Variants in ITGB6 observed in about 807,000 individuals in gnomAD.
ITGB6 encodes integrin beta-6.
In ITGB6, 80 loss-of-function variants were observed where a neutral mutation model predicts 84.5. That is an observed-to-expected ratio of 0.95 (90% confidence interval 0.79 to 1.14). The LOEUF is 1.14. Among genes scored for constraint, ITGB6 ranks in the 50% most tolerant of loss-of-function variants. The pLI is 0.00. For synonymous variants in ITGB6, 383 were observed against 354.9 expected, an observed-to-expected ratio of 1.08 and a Z score of -0.89; for missense variants, 1,006 against 968.0, an observed-to-expected ratio of 1.04 and a Z score of -0.52.
chr2:160,184,529 C>T (rs1685815770), intron 4 of ITGB6, among the ~76,000 whole-genome samples: 1 of 152,176 alleles, frequency 6.6e-6, no homozygotes, highest in Non-Finnish European at 1.5e-5. Context: ...GATGGATTCA[C>T]AGCCAAATTC....
At chr2:160,114,064 T>G (rs1032244013) in intron 12 of ITGB6, among the ~76,000 whole-genome samples, 2 of 152,110 alleles carry the variant, frequency 1.3e-5, no homozygotes, top group Non-Finnish European at 2.9e-5. Context: ...ATTAACCATG[T>G]TTTTAAAAAT....
intron 12 of ITGB6, among the ~76,000 whole-genome samples, chr2:160,122,044 A>G (rs1267914053): frequency 1.3e-5 from 2 of 152,102 alleles, no homozygotes; most frequent in African/African-American, 4.8e-5. Flanking sequence ...CTTGAAATAA[A>G]GCTTATAAAA....
chr2:160,127,464 T>A (rs1395495494), intron 10 of ITGB6, among the ~76,000 whole-genome samples: 1 of 152,192 alleles, frequency 6.6e-6, no homozygotes, highest in East Asian at 1.9e-4. Context: ...GTCCTGCCCA[T>A]CCCCTTTGAG....
intron 10 of ITGB6, among the ~76,000 whole-genome samples, chr2:160,135,061 C>T (rs993003217): frequency 6.6e-5 from 10 of 152,080 alleles, no homozygotes; most frequent in African/African-American, 1.9e-4. Context: ...TCAGGGCAAT[C>T]AGGCAGGAGA....
chr2:160,102,584 A>T (rs963889766), intron 14 of ITGB6, among the ~76,000 whole-genome samples: 26 of 152,178 alleles, frequency 1.7e-4, no homozygotes, highest in African/African-American at 4.8e-4. Flanking sequence ...GGCAGTGGGA[A>T]GGTTGGGTGT....
In ITGB6 at chr2:160,120,756, T is replaced by C. The variant is rs796634455; in HGVS notation, c.1981+3035A>G. ...GTAAAAAATGAAGAGTTCATGTCCTTTGTAGGGACATGGATGAAACTGGAA... is the reference window on the plus strand; with the variant it reads ...GTAAAAAATGAAGAGTTCATGTCCTCTGTAGGGACATGGATGAAACTGGAA... On this transcript the variant is annotated intron_variant, in intron 12 of 14. Transcript: ENST00000283249. Among the ~76,000 whole-genome samples, 73 of 135,714 alleles carry C rather than the reference T, an allele frequency of 5.4e-4. 1 individual carries two copies. Among genetic ancestry groups the C allele is most frequent in the African/African-American group, 1.9e-3 (69 of 35,766 alleles). 89.0% of individuals were successfully genotyped at this position (135,714 alleles called of 152,430 possible).
intron 13 of ITGB6, among the ~76,000 whole-genome samples, chr2:160,109,390 C>T (rs1049829776): frequency 4.6e-5 from 7 of 152,198 alleles, no homozygotes; most frequent in African/African-American, 1.4e-4. Context: ...ATACTGGCTA[C>T]ATCTTTGGCT....
At chr2:160,118,524 A>C (rs1682883822) in intron 12 of ITGB6, among the ~76,000 whole-genome samples, 2 of 152,044 alleles carry the variant, frequency 1.3e-5, no homozygotes, top group African/African-American at 2.4e-5. Flanking sequence ...TCAAAATAAT[A>C]AGAGCTATTT....
At chr2:160,153,010 G>A (rs1194612416) in intron 7 of ITGB6, among the ~76,000 whole-genome samples, 1 of 152,140 alleles carries the variant, frequency 6.6e-6, no homozygotes, top group Admixed American at 6.5e-5. Context: ...TGGTCATACT[G>A]CCCAAGGTAA....
intron 7 of ITGB6, among the ~76,000 whole-genome samples, chr2:160,162,080 G>A (rs932408622): frequency 6.6e-6 from 1 of 152,138 alleles, no homozygotes; most frequent in African/African-American, 2.4e-5. Flanking sequence ...CAAAAGCAGA[G>A]CATTGAGCTT....
chr2:160,137,558 G>A lies in ITGB6; in HGVS notation c.1536C>T (p.Ser512=), dbSNP rs759543622. Residue 512 remains serine (S), a synonymous_variant, in exon 10 of 15, where the codon AGC becomes AGT. Coordinates refer to ENST00000283249, the MANE Select transcript of ITGB6 (RefSeq NM_000888.5). ...GCCCACAGTAGCAGTCACCCCTTCCGCTGCAGGAGGGATGATCTGGGGCCT... is the reference window on the plus strand; with the variant it reads ...GCCCACAGTAGCAGTCACCCCTTCCACTGCAGGAGGGATGATCTGGGGCCT... ...CKEAPDHPSC[S]GRGDCYCGQC... 7.4e-6 allele frequency: 12 copies of A among 1,614,208 alleles called. No individual in the cohort carries two copies. Among genetic ancestry groups the A allele is most frequent in the South Asian group, 2.2e-5 (2 of 91,084 alleles).
chr2:160,200,170 T>G lies in ITGB6; in HGVS notation c.-107A>C. 1 of 835,788 alleles carries G rather than the reference T, an allele frequency of 1.2e-6. No homozygotes were observed. The highest frequency in any genetic ancestry group is 1.5e-5 in the South Asian group (1 of 64,602). The allele number at this position is 835,788 out of a possible 1,614,324, so 51.8% of individuals were successfully genotyped here. On this transcript the variant is annotated 5_prime_UTR_variant, in exon 1 of 15. Transcript: ENST00000283249. ...GTCTTTCTTTCTTGAAGTATAACAT[T>G]TTAAATACTACTTACACTGCTTTGA...
intron 7 of ITGB6, among the ~76,000 whole-genome samples, chr2:160,152,063 T>C (rs938118179): frequency 6.6e-5 from 10 of 152,030 alleles, no homozygotes; most frequent in Non-Finnish European, 7.4e-5. Context: ...TTCCAATCAA[T>C]AGAAAAAGAG....
chr2:160,148,658 G>A (rs541633567), intron 7 of ITGB6, among the ~76,000 whole-genome samples: 7 of 152,348 alleles, frequency 4.6e-5, no homozygotes, highest in African/African-American at 9.6e-5. Flanking sequence ...TGCCTCACCC[G>A]GGAAGTGCAA....
At chr2:160,149,861 T>C (rs908192793) in intron 7 of ITGB6, among the ~76,000 whole-genome samples, 1 of 152,058 alleles carries the variant, frequency 6.6e-6, no homozygotes, top group African/African-American at 2.4e-5. Context: ...GTATCAGTGA[T>C]TGAAGATCAA....
intron 4 of ITGB6, among the ~76,000 whole-genome samples, chr2:160,184,832 A>G (rs1054471001): frequency 2.6e-5 from 4 of 152,228 alleles, no homozygotes; most frequent in Non-Finnish European, 5.9e-5. Flanking sequence ...AACATACATA[A>G]ATCAATAAAC....
intron 7 of ITGB6, among the ~76,000 whole-genome samples, chr2:160,168,074 G>C (rs1335207326): frequency 6.6e-6 from 1 of 152,202 alleles, no homozygotes; most frequent in African/African-American, 2.4e-5. Flanking sequence ...GCCCATATCA[G>C]GTGAACCCAC....
At chr2:160,159,848 C>T (rs768515007) in intron 7 of ITGB6, among the ~76,000 whole-genome samples, 2 of 152,276 alleles carry the variant, frequency 1.3e-5, no homozygotes, top group African/African-American at 4.8e-5. Flanking sequence ...TCCATTTCTT[C>T]GATAACACTA....
rs1686500795 is a variant in ITGB6, at chr2:160,200,101, G to A, written c.-38C>T. 1 of 1,570,868 alleles carries A rather than the reference G, an allele frequency of 6.4e-7. No individual in the cohort carries two copies. The highest frequency in any genetic ancestry group is 8.8e-7 in the Non-Finnish European group (1 of 1,142,736). ...TTGCTGTGCAGACCGATTAAAAAAT[G>A]AATTACCTTCAGCGTTACAAGACCA... On this transcript the variant is annotated 5_prime_UTR_variant, in exon 1 of 15. Coordinates refer to ENST00000283249, the MANE Select transcript of ITGB6 (RefSeq NM_000888.5).
Sources: gnomAD v4.1 joint callset for allele counts (sites outside exome capture counted in the v4.1 genomes callset) on GRCh38, gnomAD v4.1.1 for gene constraint, MANE v1.5 for transcripts, NCBI Gene and HGNC (gene_info 2026-07-23, HGNC 2026-07-21) for gene names.